EPM2A: variants seen among roughly 807,000 people sequenced by gnomAD.
EPM2A encodes laforin.
In EPM2A, 21 loss-of-function variants were observed where a neutral mutation model predicts 26.5. The ratio of observed to expected loss-of-function variants is 0.79; its 90% CI spans 0.56 to 1.14. The LOEUF (loss-of-function observed/expected upper bound fraction) is 1.14. Ranked by LOEUF, EPM2A falls within the 50% of genes most tolerant of loss-of-function variation. The pLI, the probability that EPM2A is intolerant of heterozygous loss-of-function variation, is 0.00. For missense variants in EPM2A, 458 were observed against 440.8 expected (o/e 1.04, Z -0.35); for synonymous variants, 217 against 177.6 (o/e 1.22, Z -1.76).
intron 4 of EPM2A, among the ~76,000 whole-genome samples, chr6:145,458,533 A>G (rs1472296444): frequency 6.6e-6 from 1 of 152,170 alleles, no homozygotes; most frequent in African/African-American, 2.4e-5. Flanking sequence ...CTTGCCTCCT[A>G]TAAATCACGA....
At chr6:145,669,484 C>A (rs1779490549) in intron 2 of EPM2A, among the ~76,000 whole-genome samples, 1 of 152,112 alleles carries the variant, frequency 6.6e-6, no homozygotes, top group Non-Finnish European at 1.5e-5. Flanking sequence ...CATAATACAC[C>A]TTCTGAAAAC....
At chr6:145,426,161 A>G (rs548750001) in intron 4 of EPM2A, among the ~76,000 whole-genome samples, 65 of 152,312 alleles carry the variant, frequency 4.3e-4, no homozygotes, top group African/African-American at 1.5e-3. Context: ...CTCAGAAAAG[A>G]ACCAATTCAC....
intron 2 of EPM2A, among the ~76,000 whole-genome samples, chr6:145,685,546 C>T (rs779672029): frequency 2.6e-5 from 4 of 151,826 alleles, no homozygotes; most frequent in Non-Finnish European, 5.9e-5. Flanking sequence ...GAAAAACTAA[C>T]CATAAAGTGA....
At position 145,716,200 on chromosome 6, in the gene EPM2A, G is replaced by T. The variant is rs146836246; in HGVS notation, c.301+18998C>A. 2.7e-3 allele frequency among the ~76,000 whole-genome samples: 412 copies of T among 152,298 alleles called. 5 individuals carry two copies. The highest frequency in any genetic ancestry group is 9.5e-3 in the African/African-American group (393 of 41,570). On this transcript the variant is annotated intron_variant, in intron 1 of 3. Transcript: ENST00000367519. ...GAATTTTTTTCTGAATATTAGATTG[G>T]TTGAATCCACAGATGCAGAATCCAT...
chr6:145,611,745 G>A (rs1369662576), intron 2 of EPM2A, among the ~76,000 whole-genome samples: 1 of 152,000 alleles, frequency 6.6e-6, no homozygotes, highest in Non-Finnish European at 1.5e-5. Flanking sequence ...AACTGCAGCT[G>A]TTTATATGTT....
chr6:145,674,525 G>A (rs1181219839), intron 2 of EPM2A, among the ~76,000 whole-genome samples: 1 of 151,906 alleles, frequency 6.6e-6, no homozygotes, highest in Non-Finnish European at 1.5e-5. Context: ...CCCATCAGAA[G>A]GAAGCTAAAA....
intron 1 of EPM2A, among the ~76,000 whole-genome samples, chr6:145,690,503 C>T (rs1265134782): frequency 1.6e-4 from 19 of 116,974 alleles, no homozygotes; most frequent in African/African-American, 6.4e-4. Context: ...GGCGACAGAG[C>T]GAGACTCCGT....
chr6:145,616,443 C>T (rs1775514148), intron 2 of EPM2A, among the ~76,000 whole-genome samples: 1 of 152,216 alleles, frequency 6.6e-6, no homozygotes, highest in Non-Finnish European at 1.5e-5. Context: ...AGAACCTCTG[C>T]TAGGGCAGCG....
intron 4 of EPM2A, among the ~76,000 whole-genome samples, chr6:145,453,008 C>G (rs1216793736): frequency 6.6e-6 from 1 of 152,150 alleles, no homozygotes; most frequent in Non-Finnish European, 1.5e-5. Context: ...GTGATCAGGA[C>G]TTCCAAGCTT....
intron 1 of EPM2A, among the ~76,000 whole-genome samples, chr6:145,729,170 T>C (rs1164641414): frequency 6.6e-6 from 1 of 152,162 alleles, no homozygotes; most frequent in East Asian, 1.9e-4. Flanking sequence ...CAGGCAGAAG[T>C]CTGCTGCAGC....
At chr6:145,711,916 A>G (rs539645428) in intron 1 of EPM2A, among the ~76,000 whole-genome samples, 1 of 150,688 alleles carries the variant, frequency 6.6e-6, no homozygotes, top group East Asian at 1.9e-4. Flanking sequence ...ACTAAAATTA[A>G]CTTATACTAA....
intron 4 of EPM2A, among the ~76,000 whole-genome samples, chr6:145,409,623 C>T (rs1447319804): frequency 6.6e-6 from 1 of 152,140 alleles, no homozygotes; most frequent in African/African-American, 2.4e-5. Context: ...AGCTTAGTGG[C>T]TTAAAACAGT....
At chr6:145,545,880 A>C (rs940092522) in intron 2 of EPM2A, among the ~76,000 whole-genome samples, 4 of 152,082 alleles carry the variant, frequency 2.6e-5, no homozygotes, top group Non-Finnish European at 5.9e-5. Flanking sequence ...TTCTTCGCGT[A>C]CACTTAGATC....
At chr6:145,500,130 A>C (rs1345379158), downstream of EPM2A, among the ~76,000 whole-genome samples, 5 of 152,244 alleles carry the variant, frequency 3.3e-5, no homozygotes, top group African/African-American at 1.2e-4. Context: ...CTGGGTAAAA[A>C]GAATTTGTGA....
chr6:145,473,107 CAG>C (rs1779497259), intron 4 of EPM2A, among the ~76,000 whole-genome samples: 1 of 151,790 alleles, frequency 6.6e-6, no homozygotes, highest in South Asian at 2.1e-4. Flanking sequence ...ACCTTTTAAA[CAG>C]AGAATTCAAA....
At chr6:145,564,319 T>C (rs1486297472) in intron 2 of EPM2A, among the ~76,000 whole-genome samples, 1 of 152,196 alleles carries the variant, frequency 6.6e-6, no homozygotes, top group African/African-American at 2.4e-5. Context: ...CATACGTATG[T>C]ACATTAAAAG....
chr6:145,568,385 T>A (rs578008079), intron 2 of EPM2A, among the ~76,000 whole-genome samples: 1 of 151,680 alleles, frequency 6.6e-6, no homozygotes, highest in East Asian at 1.9e-4. Context: ...AGTGGCATGA[T>A]CTCTGCTCAC....
At chr6:145,429,716 G>A (rs924644107) in intron 4 of EPM2A, among the ~76,000 whole-genome samples, 1 of 152,240 alleles carries the variant, frequency 6.6e-6, no homozygotes, top group East Asian at 1.9e-4. Context: ...TATAGAAATT[G>A]TTGATGACTT....
At chr6:145,492,526 C>G (rs1779768610) in intron 4 of EPM2A, among the ~76,000 whole-genome samples, 1 of 151,906 alleles carries the variant, frequency 6.6e-6, no homozygotes, top group African/African-American at 2.4e-5. Flanking sequence ...CCGCCTTCAT[C>G]CACACCTGTG....
Sources: gnomAD v4.1 joint callset for allele counts (sites outside exome capture counted in the v4.1 genomes callset) on GRCh38, gnomAD v4.1.1 for gene constraint, MANE v1.5 for transcripts, NCBI Gene and HGNC (gene_info 2026-07-23, HGNC 2026-07-21) for gene names.